POLR3B: variants seen among roughly 807,000 people sequenced by gnomAD.
POLR3B encodes DNA-directed RNA polymerase III subunit RPC2.
POLR3B carries 96 observed loss-of-function variants against 147.4 expected under a neutral mutation model. The observed-to-expected ratio is 0.65, with a 90% confidence interval of 0.55 to 0.77. POLR3B has a LOEUF of 0.77. POLR3B is among the 30% of genes least tolerant of loss of function. The pLI, the probability that POLR3B is intolerant of heterozygous loss-of-function variation, is 0.00. For synonymous variants in POLR3B, 461 were observed against 485.9 expected (o/e 0.95, Z 0.67); for missense variants, 1,036 against 1,413.5 (o/e 0.73, Z 4.28).
rs368216350 is a variant in POLR3B at position 106,366,513 on chromosome 12, T to C, written c.106-3T>C. 202 of 1,602,398 alleles carry C rather than the reference T, an allele frequency of 1.3e-4. No individual in the cohort carries two copies. The highest frequency in any genetic ancestry group is 1.6e-4 in the Non-Finnish European group (189 of 1,170,414). ...TGTTTACTTTCTCTTTCTATCTGTT[T>C]AGGTGAAAGGCCTTGTGAAACAGCA... On this transcript the variant is annotated splice_polypyrimidine_tract_variant and splice_region_variant and intron_variant, in intron 2 of 27. Coordinates refer to ENST00000228347, the MANE Select transcript of POLR3B (RefSeq NM_018082.6).
chr12:106,383,702 G>A (rs569504624), intron 9 of POLR3B, among the ~76,000 whole-genome samples: 88 of 152,144 alleles, frequency 5.8e-4, no homozygotes, highest in South Asian at 5.4e-3. Flanking sequence ...CTGATTGGCC[G>A]GGCGCAATAG....
At chr12:106,488,861 C>T (rs1324404252) in intron 23 of POLR3B, among the ~76,000 whole-genome samples, 2 of 152,140 alleles carry the variant, frequency 1.3e-5, no homozygotes, top group African/African-American at 4.8e-5. Flanking sequence ...TAAAAAAAAT[C>T]TTTAACAAAA....
intron 1 of POLR3B, among the ~76,000 whole-genome samples, chr12:106,362,862 A>G (rs1441905488): frequency 6.6e-6 from 1 of 151,998 alleles, no homozygotes; most frequent in Non-Finnish European, 1.5e-5. Context: ...CTAGATATTC[A>G]GTTACATTGG....
At chr12:106,436,966 C>T (rs2037584675) in intron 16 of POLR3B, 91 bp from the exon 17 acceptor site, 3 of 942,734 alleles carry the variant, frequency 3.2e-6, no homozygotes, top group Non-Finnish European at 5.1e-6. Flanking sequence ...TTTGTATTTA[C>T]ATCTTCCCTC....
intron 27 of POLR3B, among the ~76,000 whole-genome samples, chr12:106,505,895 G>A (rs1021626700): frequency 1.3e-5 from 2 of 152,180 alleles, no homozygotes; most frequent in African/African-American, 4.8e-5. Context: ...TTGAACAAGT[G>A]GGCTCCTTAA....
At chr12:106,392,069 T>C (rs373230985) in intron 9 of POLR3B, among the ~76,000 whole-genome samples, 3 of 152,312 alleles carry the variant, frequency 2.0e-5, no homozygotes, top group African/African-American at 4.8e-5. Flanking sequence ...CCTAGTACCA[T>C]ATGGAATCTA....
chr12:106,416,630 A>G (rs867303355), intron 12 of POLR3B, among the ~76,000 whole-genome samples: 3 of 152,182 alleles, frequency 2.0e-5, no homozygotes, highest in Non-Finnish European at 2.9e-5. Context: ...TGGAATCCCA[A>G]TATTAAAACA....
chr12:106,484,063 G>A (rs1463595966), intron 23 of POLR3B, among the ~76,000 whole-genome samples: 1 of 152,184 alleles, frequency 6.6e-6, no homozygotes, highest in African/African-American at 2.4e-5. Flanking sequence ...GGTCTGTCTT[G>A]GGTCTTCTCT....
intron 9 of POLR3B, among the ~76,000 whole-genome samples, chr12:106,383,402 G>A (rs182323866): frequency 1.1e-4 from 17 of 152,228 alleles, no homozygotes; most frequent in Admixed American, 4.6e-4. Context: ...CTTTTGACAC[G>A]CCTTCCTTTC....
chr12:106,376,264 TAGTG>T (rs2036677128), intron 6 of POLR3B, 91 bp from the exon 7 acceptor site: 1 of 799,766 alleles, frequency 1.3e-6, no homozygotes, highest in Non-Finnish European at 2.2e-6. Flanking sequence ...GATAGACCCT[TAGTG>T]AGGTGGTGTG....
intron 6 of POLR3B, among the ~76,000 whole-genome samples, chr12:106,375,320 T>C (rs1359837938): frequency 6.6e-6 from 1 of 152,212 alleles, no homozygotes; most frequent in Non-Finnish European, 1.5e-5. Context: ...TGTAGCTTTC[T>C]TTTTATCTTG....
rs2036590046 is a variant in POLR3B, at chr12:106,370,520, G to T, written c.404+837G>T. Among the ~76,000 whole-genome samples the T allele has an allele frequency of 1.3e-5, 2 of 151,936 alleles. 1 individual carries two copies. The highest frequency in any genetic ancestry group is 4.1e-4 in the South Asian group (2 of 4,824). ...TCCTATACTTCCCTCAAAGGAAGGGGTAATTTGTATTGTTTCTCTCCTTAG... is the reference window on the plus strand; with the variant it reads ...TCCTATACTTCCCTCAAAGGAAGGGTTAATTTGTATTGTTTCTCTCCTTAG... On this transcript the variant is annotated intron_variant, in intron 6 of 27. Coordinates refer to ENST00000228347, the MANE Select transcript of POLR3B (RefSeq NM_018082.6).
At chr12:106,484,916 C>T (rs116793847) in intron 23 of POLR3B, among the ~76,000 whole-genome samples, 4,372 of 151,924 alleles carry the variant, frequency 0.029, 121 homozygotes, top group African/African-American at 0.068. Flanking sequence ...ACAAGCAGCA[C>T]AGTATGAGAC....
chr12:106,395,941 G>A (rs897235366), intron 10 of POLR3B, among the ~76,000 whole-genome samples: 11 of 152,164 alleles, frequency 7.2e-5, no homozygotes, highest in African/African-American at 2.7e-4. Flanking sequence ...CTGCACTCCA[G>A]CCTGGGTGAC....
intron 18 of POLR3B, among the ~76,000 whole-genome samples, chr12:106,438,181 T>G (rs2037602968): frequency 6.6e-6 from 1 of 152,190 alleles, no homozygotes; most frequent in African/African-American, 2.4e-5. Flanking sequence ...TGAGGATGGC[T>G]TCCAGCTTCA....
At chr12:106,361,904 G>A (rs2036474893) in intron 1 of POLR3B, among the ~76,000 whole-genome samples, 1 of 152,160 alleles carries the variant, frequency 6.6e-6, no homozygotes, top group Non-Finnish European at 1.5e-5. Context: ...GAATGTGAGG[G>A]GGCATCAAGG....
intron 12 of POLR3B, among the ~76,000 whole-genome samples, chr12:106,417,094 T>C (rs1815101638): frequency 6.6e-6 from 1 of 152,210 alleles, no homozygotes; most frequent in Admixed American, 6.5e-5. Context: ...ATTCTTTACT[T>C]CCATGCTTCT....
At chr12:106,380,177 C>A in intron 9 of POLR3B, 38 bp downstream of exon 9, 1 of 1,147,958 alleles carries the variant, frequency 8.7e-7, no homozygotes, top group Non-Finnish European at 1.3e-6. Context: ...TGTAAGAATT[C>A]TTTCTCTGGT....
At chr12:106,452,571 G>C (rs1409256521) in intron 19 of POLR3B, among the ~76,000 whole-genome samples, 1 of 152,032 alleles carries the variant, frequency 6.6e-6, no homozygotes, top group Non-Finnish European at 1.5e-5. Flanking sequence ...AGCTGAGTAA[G>C]GTATACAATT....
Sources: gnomAD v4.1 joint callset for allele counts (sites outside exome capture counted in the v4.1 genomes callset) on GRCh38, gnomAD v4.1.1 for gene constraint, MANE v1.5 for transcripts, NCBI Gene and HGNC (gene_info 2026-07-23, HGNC 2026-07-21) for gene names.